CEACAM1: variants seen among roughly 807,000 people sequenced by gnomAD.
CEACAM1 encodes CEA cell adhesion molecule 1.
In CEACAM1, 31 loss-of-function variants were observed where a neutral mutation model predicts 49.1. The observed-to-expected ratio is 0.63, with a 90% confidence interval of 0.47 to 0.85. The LOEUF is 0.85. Ranked by LOEUF, CEACAM1 falls within the 40% of genes least tolerant of loss-of-function variation. The pLI is 0.00. For missense variants in CEACAM1, 570 were observed against 645.3 expected (o/e 0.88, Z 1.26); for synonymous variants, 244 against 247.8 (o/e 0.98, Z 0.14).
At chr19:42,514,952 T>C in intron 5 of CEACAM1, 1 of 634,726 alleles carries the variant, frequency 1.6e-6, no homozygotes, top group Non-Finnish European at 2.8e-6. Flanking sequence ...TTGCTGAAGG[T>C]TTATTATTAC....
intron 4 of CEACAM1, chr19:42,520,989 T>A: frequency 2.3e-6 from 1 of 439,956 alleles, no homozygotes; most frequent in Non-Finnish European, 4.1e-6. Flanking sequence ...CCTTTCTGCT[T>A]CCCCCTCTGT....
chr19:42,511,564 G>A lies in CEACAM1; in HGVS notation c.1429+12C>T. On this transcript the variant is annotated intron_variant, in intron 7 of 8. Coordinates refer to ENST00000161559, the MANE Select transcript of CEACAM1 (RefSeq NM_001712.5). ...CATACCAGTTCTCACTGGGGTAAGT[G>A]GCTTTACTTACTGTGGTTGGAGACT... is the stretch of plus-strand genomic sequence containing the variant. The A allele has an allele frequency of 6.2e-7, 1 of 1,609,428 alleles. No homozygotes were observed. The highest frequency in any genetic ancestry group is 8.5e-7 in the Non-Finnish European group (1 of 1,176,162).
At chr19:42,516,774 T>G (rs958946037) in intron 5 of CEACAM1, 4 of 335,466 alleles carry the variant, frequency 1.2e-5, no homozygotes, top group African/African-American at 2.3e-5. Flanking sequence ...TCATCACACC[T>G]GTAATCTTAG....
At chr19:42,518,291 G>A (rs2041648821) in intron 5 of CEACAM1, among the ~76,000 whole-genome samples, 2 of 152,056 alleles carry the variant, frequency 1.3e-5, no homozygotes, top group African/African-American at 4.8e-5. Context: ...GGTGCAACCT[G>A]TAGTCCCAGC....
At chr19:42,513,468 G>A (rs2041513206) in intron 5 of CEACAM1, among the ~76,000 whole-genome samples, 2 of 151,906 alleles carry the variant, frequency 1.3e-5, no homozygotes, top group Non-Finnish European at 2.9e-5. Context: ...GCGGTGGCAG[G>A]TGCCTATAAT....
chr19:42,521,893 C>T, intron 3 of CEACAM1, 31 bp downstream of exon 3: 1 of 1,614,032 alleles, frequency 6.2e-7, no homozygotes, highest in Non-Finnish European at 8.5e-7. Context: ...GGGCTGGCAG[C>T]CTGGGCCACA....
chr19:42,517,471 C>T (rs1318848369), intron 5 of CEACAM1, among the ~76,000 whole-genome samples: 1 of 152,168 alleles, frequency 6.6e-6, no homozygotes. Context: ...ACTACTGCAA[C>T]TCAACCAAAA....
At chr19:42,519,865 G>T (rs933741149) in intron 4 of CEACAM1, among the ~76,000 whole-genome samples, 2 of 152,138 alleles carry the variant, frequency 1.3e-5, no homozygotes, top group Non-Finnish European at 1.5e-5. Flanking sequence ...CACTGTGCCT[G>T]GCCTCCCACT....
Position 42,510,902 on chromosome 19 carries a change from T to C in CEACAM1, c.1448A>G (p.Asp483Gly), listed in dbSNP as rs772215589. 5.6e-6 allele frequency: 9 copies of C among 1,613,860 alleles called. No homozygotes were observed. The highest frequency in any genetic ancestry group is 7.6e-6 in the Non-Finnish European group (9 of 1,179,888). Residue 483 changes from aspartate (D) to glycine (G), a missense_variant, in exon 8 of 9, where the codon GAC becomes GGC. Transcript: ENST00000161559. ...GGCTATGCTTACCTTGTTAGGTGGGTCATTGGAGTGGTCCTGAGCTGGAGA... is the reference window on the plus strand; with the variant it reads ...GGCTATGCTTACCTTGTTAGGTGGGCCATTGGAGTGGTCCTGAGCTGGAGA... ...VSNHTQDHSN[D>G]PPNKMNEVTY... is the part of the protein sequence containing the mutation.
chr19:42,509,196 A>G lies in CEACAM1; in HGVS notation c.1494T>C (p.Phe498=), dbSNP rs748135248. The G allele has an allele frequency of 6.2e-7, 1 of 1,613,312 alleles. No homozygotes were observed. Among genetic ancestry groups the G allele is most frequent in the Non-Finnish European group, 8.5e-7 (1 of 1,179,554 alleles). ...TTGGTTGTGTGGGTTGCTGGGCTTCAAAGTTCAGGGTAGAATAAGTAACTT... is the reference window on the plus strand; with the variant it reads ...TTGGTTGTGTGGGTTGCTGGGCTTCGAAGTTCAGGGTAGAATAAGTAACTT... The part of the protein sequence containing the change: ...MNEVTYSTLN[F]EAQQPTQPTS... Residue 498 remains phenylalanine, a synonymous_variant, in exon 9 of 9, where the codon TTT becomes TTC. Transcript: ENST00000161559.
chr19:42,511,166 C>A, intron 7 of CEACAM1: 1 of 585,974 alleles, frequency 1.7e-6, no homozygotes, highest in Non-Finnish European at 3.0e-6. Context: ...GATTTTTGCC[C>A]AGATGTGTTT....
At chr19:42,522,394 C>T (rs2041776308) in intron 2 of CEACAM1, among the ~76,000 whole-genome samples, 192 bp from the exon 3 acceptor site, 1 of 152,150 alleles carries the variant, frequency 6.6e-6, no homozygotes, top group Non-Finnish European at 1.5e-5. Flanking sequence ...CCTGCCTCAG[C>T]TTCCTGAGTA....
intron 1 of CEACAM1, 63 bp downstream of exon 1, chr19:42,528,248 G>C (rs2041943771): frequency 6.8e-7 from 1 of 1,468,692 alleles, no homozygotes; most frequent in Admixed American, 1.9e-5. Context: ...ATCCTCCCCA[G>C]AGGACCCTAG....
intron 4 of CEACAM1, chr19:42,519,459 C>G (rs1600228623): frequency 1.8e-6 from 1 of 551,354 alleles, no homozygotes; most frequent in African/African-American, 1.9e-5. Flanking sequence ...CTCCTGACCC[C>G]AGATCGTCTC....
chr19:42,514,799 G>C (rs554487445), intron 5 of CEACAM1, among the ~76,000 whole-genome samples: 1 of 152,258 alleles, frequency 6.6e-6, no homozygotes, highest in South Asian at 2.1e-4. Flanking sequence ...GCTTAGAGTG[G>C]TAAAAGGCTT....
Position 42,527,095 on chromosome 19 carries a change from C to T in CEACAM1, c.370G>A (p.Val124Ile), listed in dbSNP as rs1321947818. ...QNDTGFYTLQ[V>I]IKSDLVNEEA... ...TCATTCACAAGATCTGACTTTATGACTTGTAGGGTGTAGAATCCTGTGTCA... is the reference window on the plus strand; with the variant it reads ...TCATTCACAAGATCTGACTTTATGATTTGTAGGGTGTAGAATCCTGTGTCA... The change falls in exon 2 of 9, where the codon GTC (valine) becomes ATC (isoleucine). Residue 124 changes from valine (V) to isoleucine (I), a missense_variant. Coordinates refer to ENST00000161559, the MANE Select transcript of CEACAM1 (RefSeq NM_001712.5). The T allele has an allele frequency of 6.2e-7, 1 of 1,613,584 alleles. No individual in the cohort carries two copies. The highest frequency in any genetic ancestry group is 8.5e-7 in the Non-Finnish European group (1 of 1,179,702).
chr19:42,518,708 G>T, intron 5 of CEACAM1: 1 of 506,044 alleles, frequency 2.0e-6, no homozygotes. Context: ...CACCATATTA[G>T]CCAGGATGGT....
rs540928791 is a variant in CEACAM1, at chr19:42,513,917, T to A, written c.1247-1438A>T. ...CCATATATATATATATATATATATA[T>A]AATATATAAATAATACCTTTTGCAT... On this transcript the variant is annotated intron_variant, in intron 5 of 8. Coordinates refer to ENST00000161559, the MANE Select transcript of CEACAM1 (RefSeq NM_001712.5). Among the ~76,000 whole-genome samples, 53 of 129,596 alleles carry A rather than the reference T, an allele frequency of 4.1e-4. 1 individual carries two copies. The highest frequency in any genetic ancestry group is 1.6e-3 in the East Asian group (8 of 4,944). The allele number at this position is 129,596 out of a possible 152,430, so 85.0% of individuals were successfully genotyped here.
chr19:42,516,945 G>C, intron 5 of CEACAM1: 1 of 378,534 alleles, frequency 2.6e-6, no homozygotes, highest in Non-Finnish European at 5.1e-6. Flanking sequence ...AAATCCAAAA[G>C]CTACAGTAAT....
Sources: allele counts gnomAD v4.1 joint callset (sites outside exome capture counted in the v4.1 genomes callset), GRCh38; gene constraint gnomAD v4.1.1; transcripts MANE v1.5; gene names NCBI Gene and HGNC (gene_info 2026-07-23, HGNC 2026-07-21).